Variants in QSER1 observed in about 807,000 individuals in gnomAD.
QSER1 encodes the protein glutamine and serine rich 1.
A neutral mutation model predicts 158.5 loss-of-function variants in QSER1; 49 were observed. The ratio of observed to expected loss-of-function variants is 0.31; its 90% CI spans 0.25 to 0.39. The LOEUF (loss-of-function observed/expected upper bound fraction) is 0.39, where lower values mean the gene tolerates loss of function less well. QSER1 is among the 10% of genes least tolerant of loss of function. The probability of loss-of-function intolerance (pLI) is 1.00; values close to 1 mark genes in which losing one functional copy is unlikely to be tolerated. For missense variants in QSER1, 1,754 were observed against 2,010.3 expected, an observed-to-expected ratio of 0.87 and a Z score of 2.44; for synonymous variants, 650 against 715.5, an observed-to-expected ratio of 0.91 and a Z score of 1.46.
chr11:32,941,186 TTGTC>T (rs879540747), intron 4 of QSER1, among the ~76,000 whole-genome samples: 1 of 148,864 alleles, frequency 6.7e-6, no homozygotes, highest in African/African-American at 2.5e-5. Flanking sequence ...CAGGGGTTCT[TTGTC>T]TGTTTCCTAG....
chr11:32,952,820 T>C (rs1301168151), intron 4 of QSER1, among the ~76,000 whole-genome samples: 3 of 150,656 alleles, frequency 2.0e-5, no homozygotes, highest in Non-Finnish European at 3.0e-5. Context: ...TTTTTTTTTT[T>C]CCTTGAGACA....
At chr11:32,915,098 G>A (rs949083198) in intron 1 of QSER1, among the ~76,000 whole-genome samples, 11 of 152,110 alleles carry the variant, frequency 7.2e-5, no homozygotes, top group Non-Finnish European at 1.6e-4. Context: ...TTTTTGTAGA[G>A]AGTCTCACTG....
intron 3 of QSER1, among the ~76,000 whole-genome samples, chr11:32,931,080 T>C (rs75794052): frequency 6.7e-6 from 1 of 148,516 alleles, no homozygotes; most frequent in Non-Finnish European, 1.5e-5. Context: ...GCAATTTAGC[T>C]TTTTTTTTTC....
intron 4 of QSER1, among the ~76,000 whole-genome samples, chr11:32,942,076 GTTGT>G (rs534851435): frequency 0.012 from 1,706 of 141,656 alleles, 13 homozygotes; most frequent in African/African-American, 0.027. Context: ...TTTTGATGGG[GTTGT>G]TTGTTTTTTT....
intron 10 of QSER1, among the ~76,000 whole-genome samples, chr11:32,972,040 A>G (rs1473813350): frequency 2.7e-5 from 4 of 149,162 alleles, no homozygotes; most frequent in Non-Finnish European, 5.9e-5. Context: ...TCTAGCCTGG[A>G]TGACAGAGCA....
At chr11:32,941,728 G>A (rs2133562831) in intron 4 of QSER1, among the ~76,000 whole-genome samples, 1 of 152,134 alleles carries the variant, frequency 6.6e-6, no homozygotes, top group African/African-American at 2.4e-5. Context: ...ATGATTTATA[G>A]CCCTTTGGGT....
At chr11:32,969,554 T>C (rs1192705398) in intron 10 of QSER1, among the ~76,000 whole-genome samples, 1 of 152,162 alleles carries the variant, frequency 6.6e-6, no homozygotes. Context: ...TATGTTAATA[T>C]ATCTTGGCAA....
At position 32,933,002 on chromosome 11, in the gene QSER1, G is replaced by T; in HGVS notation, c.1744G>T (p.Val582Phe). The T allele has an allele frequency of 6.2e-7, 1 of 1,612,344 alleles. No homozygotes were observed. The highest frequency in any genetic ancestry group is 8.5e-7 in the Non-Finnish European group (1 of 1,179,990). ...TTCATCTCAATCACAAGTTTTGTCA[G>T]TTGTTAGTCTTTCAGAAAGCTATGC... ...SYSSQSQVLS[V>F]VSLSESYASG... Residue 582 changes from valine (V) to phenylalanine (F), a missense_variant, in exon 4 of 13, where the codon GTT becomes TTT. Coordinates refer to ENST00000650167, the MANE Select transcript of QSER1 (RefSeq NM_001076786.3).
At chr11:32,974,706 C>T (rs1367048524) in intron 11 of QSER1, among the ~76,000 whole-genome samples, 1 of 152,136 alleles carries the variant, frequency 6.6e-6, no homozygotes, top group Non-Finnish European at 1.5e-5. Context: ...AAAGTCCTTA[C>T]CCTCATATAG....
chr11:32,940,696 A>G (rs73476603), intron 4 of QSER1, among the ~76,000 whole-genome samples: 2,430 of 152,250 alleles, frequency 0.016, 68 homozygotes, highest in African/African-American at 0.054. Flanking sequence ...AAAATCATTC[A>G]TTTAGATTGT....
At chr11:32,973,261 A>G (rs1217542775) in intron 10 of QSER1, 136 bp from the exon 11 acceptor site, 9 of 841,452 alleles carry the variant, frequency 1.1e-5, no homozygotes, top group Non-Finnish European at 1.6e-5. Context: ...CTCTCTGCAA[A>G]TAGGTGTTTG....
intron 1 of QSER1, among the ~76,000 whole-genome samples, chr11:32,902,680 C>CA (rs1300018608): frequency 6.6e-6 from 1 of 152,152 alleles, no homozygotes; most frequent in African/African-American, 2.4e-5. Flanking sequence ...AGTGGAATCT[C>CA]AGAGATTAAG....
At chr11:32,956,845 G>A (rs868847412) in intron 7 of QSER1, among the ~76,000 whole-genome samples, 2 of 152,138 alleles carry the variant, frequency 1.3e-5, no homozygotes, top group South Asian at 2.1e-4. Context: ...GCATGATCAC[G>A]GCACTGCAGC....
At position 32,933,384 on chromosome 11, in the gene QSER1, C is replaced by A; in HGVS notation, c.2126C>A (p.Ser709Ter). Residue 709 changes from serine to a stop codon, truncating the protein, a stop_gained, in exon 4 of 13, where the codon TCA (serine) becomes TAA (stop). Transcript: ENST00000650167. LOFTEE classifies it high-confidence loss of function. ...QVLQPQASLE[S>*]STQRLSDGEI... ...TTGCAGCCACAAGCATCTCTTGAGT[C>A]ATCAACCCAAAGGCTATCTGATGGA... 1 of 1,613,782 alleles carries A rather than the reference C, an allele frequency of 6.2e-7. No individual in the cohort carries two copies. Among genetic ancestry groups the A allele is most frequent in the South Asian group, 1.1e-5 (1 of 90,976 alleles).
intron 1 of QSER1, among the ~76,000 whole-genome samples, chr11:32,899,136 G>A (rs940124686): frequency 7.2e-5 from 11 of 152,180 alleles, no homozygotes; most frequent in Non-Finnish European, 1.5e-4. Flanking sequence ...TCTTCAGAAT[G>A]GAGGTTATTT....
At chr11:32,948,587 C>T (rs1338691685) in intron 4 of QSER1, among the ~76,000 whole-genome samples, 1 of 152,066 alleles carries the variant, frequency 6.6e-6, no homozygotes, top group African/African-American at 2.4e-5. Context: ...TGGGATCACA[C>T]CATTGCACTC....
In QSER1 at chr11:32,943,832, C is replaced by G. The variant is rs572251697; in HGVS notation, c.4177+8397C>G. Among the ~76,000 whole-genome samples, 890 of 152,264 alleles carry G rather than the reference C, an allele frequency of 5.8e-3. 4 individuals carry two copies. The highest frequency in any genetic ancestry group is 0.014 in the Middle Eastern group (4 of 294). On this transcript the variant is annotated intron_variant, in intron 4 of 12. Coordinates refer to ENST00000650167, the MANE Select transcript of QSER1 (RefSeq NM_001076786.3). ...TGGTACCAGTTTCCTCCTTGTACCT[C>G]TGGTAGAATTCGGCTGTGAATCCAT...
chr11:32,963,497 G>T (rs1024989963), intron 8 of QSER1, among the ~76,000 whole-genome samples: 1 of 151,970 alleles, frequency 6.6e-6, no homozygotes, highest in Non-Finnish European at 1.5e-5. Context: ...GATTACAGGC[G>T]CCCGCCATCA....
chr11:32,916,642 C>T (rs1353335025), intron 1 of QSER1, among the ~76,000 whole-genome samples: 1 of 152,186 alleles, frequency 6.6e-6, no homozygotes, highest in Non-Finnish European at 1.5e-5. Flanking sequence ...GCCCTGAATA[C>T]TCTAGGCAGT....
Sources: gnomAD v4.1 joint callset for allele counts (sites outside exome capture counted in the v4.1 genomes callset) on GRCh38, gnomAD v4.1.1 for gene constraint, MANE v1.5 for transcripts, NCBI Gene and HGNC (gene_info 2026-07-23, HGNC 2026-07-21) for gene names.